Variants in TEX14 observed in about 807,000 individuals in gnomAD.
TEX14 encodes inactive serine/threonine-protein kinase TEX14.
In TEX14, 168 loss-of-function variants were observed where a neutral mutation model predicts 178.6. That is an observed-to-expected ratio of 0.94 (90% CI 0.83 to 1.07). The LOEUF (loss-of-function observed/expected upper bound fraction) is 1.07, where lower values mean the gene tolerates loss of function less well. Ranked by LOEUF, TEX14 falls within the 50% of genes least tolerant of loss-of-function variation. The pLI is 0.00. For synonymous variants in TEX14, 626 were observed against 634.1 expected (o/e 0.99, Z 0.19); for missense variants, 1,730 against 1,753.6 (o/e 0.99, Z 0.24).
chr17:58,590,183 C>T (rs2045091892), intron 15 of TEX14, among the ~76,000 whole-genome samples: 1 of 150,926 alleles, frequency 6.6e-6, no homozygotes, highest in Non-Finnish European at 1.5e-5. Flanking sequence ...ATCGCTTGAA[C>T]CCAGGAGGCG....
At chr17:58,588,057 A>G in intron 15 of TEX14, 36 bp from the exon 16 acceptor site, 1 of 819,604 alleles carries the variant, frequency 1.2e-6, no homozygotes, top group Non-Finnish European at 2.1e-6. Context: ...AAGATCTCTA[A>G]GAGTATTTTT....
chr17:58,652,564 C>T (rs1435594104), intron 1 of TEX14, among the ~76,000 whole-genome samples: 1 of 152,178 alleles, frequency 6.6e-6, no homozygotes, highest in South Asian at 2.1e-4. Context: ...GTCAATTACA[C>T]CTCTTTCCTT....
intron 19 of TEX14, among the ~76,000 whole-genome samples, chr17:58,584,221 C>T (rs2044895224): frequency 6.6e-6 from 1 of 152,180 alleles, no homozygotes; most frequent in South Asian, 2.1e-4. Flanking sequence ...TTTTGTTTAG[C>T]AAACTATGCC....
At chr17:58,679,044 C>T (rs879397494) in intron 1 of TEX14, among the ~76,000 whole-genome samples, 54 of 151,998 alleles carry the variant, frequency 3.6e-4, no homozygotes, top group Middle Eastern at 3.4e-3. Flanking sequence ...ATCCCAGCTA[C>T]TCAAGAGGCT....
intron 15 of TEX14, among the ~76,000 whole-genome samples, chr17:58,591,255 C>G (rs1310307164): frequency 1.3e-5 from 2 of 152,318 alleles, no homozygotes; most frequent in Middle Eastern, 3.4e-3. Context: ...CGGTGGCTCA[C>G]GCCTGTAATC....
rs1425590582 is a variant in TEX14, at chr17:58,613,558, G to A, written c.882-14C>T. On this transcript the variant is annotated splice_polypyrimidine_tract_variant and intron_variant, in intron 8 of 31. Transcript: ENST00000349033. ...TGCCGCAGCTTGCTGCAAAAGAAAA[G>A]AAGCTTCAGATAAGGCAGGTGAGAG... The A allele has an allele frequency of 5.0e-6, 8 of 1,613,384 alleles. No individual in the cohort carries two copies. Among genetic ancestry groups the A allele is most frequent in the African/African-American group, 1.3e-5 (1 of 74,880 alleles).
chr17:58,668,298 C>T (rs557130758), intron 1 of TEX14, among the ~76,000 whole-genome samples: 8 of 152,328 alleles, frequency 5.3e-5, no homozygotes, highest in Admixed American at 1.3e-4. Flanking sequence ...TTGCAGCGGT[C>T]TCTATACCTA....
chr17:58,560,109 C>T (rs933205997), intron 29 of TEX14, among the ~76,000 whole-genome samples: 2 of 152,142 alleles, frequency 1.3e-5, no homozygotes, highest in Non-Finnish European at 2.9e-5. Flanking sequence ...ACTGGAAACT[C>T]CTTATAGGCG....
chr17:58,676,270 G>A (rs1435131192), intron 1 of TEX14, among the ~76,000 whole-genome samples: 1 of 152,136 alleles, frequency 6.6e-6, no homozygotes, highest in Non-Finnish European at 1.5e-5. Context: ...CAGCTACTCA[G>A]GAGGTTGAGG....
chr17:58,640,951 C>T (rs1272819037), intron 2 of TEX14, among the ~76,000 whole-genome samples: 18 of 152,088 alleles, frequency 1.2e-4, no homozygotes. Context: ...ACCTTCTCAG[C>T]TCAACTGATC....
At chr17:58,688,268 C>A (rs545610871) in intron 1 of TEX14, among the ~76,000 whole-genome samples, 1 of 151,950 alleles carries the variant, frequency 6.6e-6, no homozygotes, top group African/African-American at 2.4e-5. Context: ...CTATAGGTAC[C>A]CTCCACCACC....
rs763262305 is a variant in TEX14, at chr17:58,660,735, T to C, written c.-1-8733A>G. 6.4e-6 allele frequency: 5 copies of C among 781,256 alleles called. No individual in the cohort carries two copies. The African/African-American group carries it at 6.8e-5, about 11-fold the overall frequency. 48.4% of individuals were successfully genotyped at this position (781,256 alleles called of 1,614,324 possible). ...TTTCTGAATTCTTCTGGTGTTGCCT[T>C]GGCTATTCCCTGATCTGGTAACACT... On this transcript the variant is annotated intron_variant, in intron 1 of 31. Transcript: ENST00000349033.
intron 26 of TEX14, 97 bp from the exon 27 acceptor site, chr17:58,565,921 GCAGCAT>G: frequency 2.1e-6 from 2 of 935,390 alleles, no homozygotes; most frequent in Non-Finnish European, 3.3e-6. Flanking sequence ...CCTTAGACTT[GCAGCAT>G]TAACATAACC....
intron 1 of TEX14, among the ~76,000 whole-genome samples, chr17:58,688,331 G>A (rs916451456): frequency 2.0e-5 from 3 of 152,090 alleles, no homozygotes; most frequent in African/African-American, 7.2e-5. Flanking sequence ...CATCGCCCAG[G>A]CTGGTCTTGA....
intron 1 of TEX14, among the ~76,000 whole-genome samples, chr17:58,690,159 T>C (rs1042893180): frequency 6.7e-5 from 10 of 150,366 alleles, no homozygotes; most frequent in Non-Finnish European, 1.3e-4. Context: ...TTTTTTGTTT[T>C]TTTTATTTTG....
intron 30 of TEX14, among the ~76,000 whole-genome samples, chr17:58,558,968 G>A (rs1037294977): frequency 6.6e-6 from 1 of 152,076 alleles, no homozygotes; most frequent in African/African-American, 2.4e-5. Context: ...TCAAGAGATC[G>A]AGACCATCCT....
intron 19 of TEX14, among the ~76,000 whole-genome samples, chr17:58,582,566 CTTT>C (rs74540002): frequency 3.9e-5 from 5 of 129,320 alleles, no homozygotes; most frequent in Non-Finnish European, 3.4e-5. Context: ...CTGCAAATTT[CTTT>C]TTTTTTTTTT....
chr17:58,581,973 T>G (rs778823943), intron 19 of TEX14, among the ~76,000 whole-genome samples: 4 of 152,268 alleles, frequency 2.6e-5, no homozygotes, highest in Non-Finnish European at 5.9e-5. Context: ...AGCATCATCA[T>G]CTGCAGAATG....
chr17:58,660,680 T>C, intron 1 of TEX14: 1 of 782,950 alleles, frequency 1.3e-6, no homozygotes, highest in Non-Finnish European at 2.4e-6. Flanking sequence ...CTCTTCCTCC[T>C]TTTCTTGATC....
Sources: gnomAD v4.1 joint callset for allele counts (sites outside exome capture counted in the v4.1 genomes callset) on GRCh38, gnomAD v4.1.1 for gene constraint, MANE v1.5 for transcripts, NCBI Gene and HGNC (gene_info 2026-07-23, HGNC 2026-07-21) for gene names.